The following DOCK7 variants were observed in gnomAD, a reference collection of about 807,000 sequenced individuals.
The protein encoded by DOCK7 is dedicator of cytokinesis protein 7.
DOCK7 carries 138 observed loss-of-function variants against 271.0 expected under a neutral mutation model. That is an observed-to-expected ratio of 0.51 (90% confidence interval 0.44 to 0.59). The LOEUF (loss-of-function observed/expected upper bound fraction) is 0.59. DOCK7 is among the 20% of genes least tolerant of loss of function. The pLI is 0.00. For missense variants in DOCK7, 2,066 were observed against 2,592.4 expected (o/e 0.80, Z 4.41); for synonymous variants, 823 against 876.1 (o/e 0.94, Z 1.07).
At chr1:62,459,825 T>C (rs921244110) in intron 48 of DOCK7, among the ~76,000 whole-genome samples, 4 of 151,758 alleles carry the variant, frequency 2.6e-5, no homozygotes, top group Admixed American at 6.6e-5. Flanking sequence ...CCAGGCCGGG[T>C]GCAGTGGCTC....
rs563619178 is a variant in DOCK7 at position 62,498,813 on chromosome 1, T to A, written c.4765-2316A>T. Among the ~76,000 whole-genome samples the A allele has an allele frequency of 5.9e-5, 9 of 152,096 alleles. No homozygotes were observed. The East Asian group carries it at 1.4e-3, about 23-fold the overall frequency. Reference sequence around the variant, plus strand: ...TTAAATTACCCATTTCTTTCTTTTTTTTTTTTGAGACAGAGTCTTACTCTG... The same window carrying A: ...TTAAATTACCCATTTCTTTCTTTTTATTTTTTGAGACAGAGTCTTACTCTG... On this transcript the variant is annotated intron_variant, in intron 37 of 49. Coordinates refer to ENST00000635253, the MANE Select transcript of DOCK7 (RefSeq NM_001367561.1).
At chr1:62,457,205 T>C (rs1645372322) in intron 49 of DOCK7, among the ~76,000 whole-genome samples, 1 of 152,196 alleles carries the variant, frequency 6.6e-6, no homozygotes, top group African/African-American at 2.4e-5. Context: ...GTACCAACTT[T>C]TTGATTCTCA....
intron 14 of DOCK7, chr1:62,603,971 G>A: frequency 6.2e-7 from 1 of 1,612,638 alleles, no homozygotes; most frequent in Non-Finnish European, 8.5e-7. Context: ...CTTTTCAGGA[G>A]AATTTTGGTT....
intron 12 of DOCK7, chr1:62,624,997 A>T (rs1488793129): frequency 7.3e-6 from 2 of 274,026 alleles, no homozygotes; most frequent in Non-Finnish European, 1.3e-5. Flanking sequence ...AAAAAACAGG[A>T]TACAGGTATG....
chr1:62,563,760 A>T (rs1037426604), intron 18 of DOCK7, among the ~76,000 whole-genome samples: 2 of 151,410 alleles, frequency 1.3e-5, no homozygotes, highest in East Asian at 3.9e-4. Context: ...GGCAAACTGG[A>T]TAAAGAGTCA....
rs370091514 is a variant in DOCK7, at chr1:62,648,177, G to A, written c.661C>T (p.Arg221Cys). The change falls in exon 6 of 50, where the codon CGT becomes TGT. Residue 221 changes from arginine (R) to cysteine (C), a missense_variant. Arg to Cys is a radical substitution (Grantham distance 180). Around this residue, in one of 2 missense-constraint regions of DOCK7, gnomAD observed 1,414 missense variants for 1,670.4 expected, o/e 0.85. Coordinates refer to ENST00000635253, the MANE Select transcript of DOCK7 (RefSeq NM_001367561.1). Reference protein sequence around the residue: ...LDRTPNEEIDRQNDDQRKSNR... With the variant: ...LDRTPNEEIDCQNDDQRKSNR... ...GATTTCCTTTGGTCATCATTCTGAC[G>A]GTCTATTTCTTCATTTGGAGTTCGA... is the stretch of plus-strand genomic sequence containing the variant. The A allele has an allele frequency of 6.8e-6, 11 of 1,613,446 alleles. No individual in the cohort carries two copies. The highest frequency in any genetic ancestry group is 2.2e-5 in the East Asian group (1 of 44,810).
chr1:62,602,294 G>A (rs1424938245), intron 14 of DOCK7: 2 of 1,607,806 alleles, frequency 1.2e-6, no homozygotes, highest in Non-Finnish European at 1.7e-6. Flanking sequence ...GGTAGTCCAT[G>A]GACATTAATT....
chr1:62,682,068 C>A (rs530742721), intron 1 of DOCK7, among the ~76,000 whole-genome samples: 25 of 150,190 alleles, frequency 1.7e-4, no homozygotes, highest in African/African-American at 5.9e-4. Context: ...AACAGCAGAA[C>A]AGTTACAGAG....
At chr1:62,581,872 A>G (rs372042591) in intron 16 of DOCK7, among the ~76,000 whole-genome samples, 39 of 152,298 alleles carry the variant, frequency 2.6e-4, no homozygotes, top group African/African-American at 8.2e-4. Context: ...CAGCACCAAG[A>G]AAGGACTGTT....
chr1:62,475,020 T>C (rs1344344483), intron 47 of DOCK7, among the ~76,000 whole-genome samples, 188 bp downstream of exon 47: 1 of 152,240 alleles, frequency 6.6e-6, no homozygotes, highest in African/African-American at 2.4e-5. Flanking sequence ...TACAAGCTTT[T>C]TAAGGAAATA....
At chr1:62,671,667 T>C (rs1557889258) in intron 1 of DOCK7, among the ~76,000 whole-genome samples, 1 of 152,160 alleles carries the variant, frequency 6.6e-6, no homozygotes, top group African/African-American at 2.4e-5. Flanking sequence ...TATTGTCAAA[T>C]AGAAAAATAT....
Position 62,636,420 on chromosome 1 carries a change from C to G in DOCK7, c.885+117G>C, listed in dbSNP as rs1029172849. On this transcript the variant is annotated intron_variant, in intron 8 of 49. Transcript: ENST00000635253. ...GTCCTAATAAGTTAAATTTCTATTT[C>G]CTTTTTAAAAAGATCTATGTTTAAC... 2.4e-5 allele frequency: 18 copies of G among 744,462 alleles called. No individual in the cohort carries two copies. The East Asian group carries it at 5.5e-4, about 23-fold the overall frequency. 46.1% of individuals were successfully genotyped at this position (744,462 alleles called of 1,614,324 possible). A position where few individuals can be genotyped will look rare whatever the true frequency, so the allele number is the denominator to read the frequency against.
intron 43 of DOCK7, chr1:62,483,996 C>T (rs1646218567): frequency 6.6e-6 from 1 of 152,144 alleles, no homozygotes; most frequent in Admixed American, 6.5e-5. Flanking sequence ...CAGAGTTGAT[C>T]GCCCTGCTCA....
At chr1:62,606,984 G>C (rs1651089574) in intron 14 of DOCK7, among the ~76,000 whole-genome samples, 2 of 152,018 alleles carry the variant, frequency 1.3e-5, no homozygotes, top group Admixed American at 6.6e-5. Flanking sequence ...GAGGCAGGTG[G>C]ATCACCTGAG....
At chr1:62,504,337 C>T (rs1646879308) in intron 37 of DOCK7, among the ~76,000 whole-genome samples, 1 of 152,052 alleles carries the variant, frequency 6.6e-6, no homozygotes, top group Admixed American at 6.5e-5. Flanking sequence ...GATACTTAAA[C>T]TTGTATTTCT....
intron 2 of DOCK7, among the ~76,000 whole-genome samples, chr1:62,654,811 A>G (rs1657796012): frequency 6.6e-6 from 1 of 152,256 alleles, no homozygotes; most frequent in African/African-American, 2.4e-5. Flanking sequence ...TAGGCTATAC[A>G]CAGAGAGAAA....
intron 48 of DOCK7, among the ~76,000 whole-genome samples, chr1:62,467,315 T>C (rs936367609): frequency 2.6e-5 from 4 of 152,228 alleles, no homozygotes; most frequent in Admixed American, 6.5e-5. Flanking sequence ...TTTCAAGATA[T>C]GGATCTTGGA....
In DOCK7 at chr1:62,477,812, G is replaced by A; in HGVS notation, c.5522C>T (p.Thr1841Ile). The part of the protein sequence containing the change: ...QSTGWERMFG[T>I]YFRVGFYGTK... ...TCCATAAAAACCAACACGAAAATAG[G>A]TGCCAAACATCCGCTTACCATCCTA... Residue 1841 changes from threonine to isoleucine, a missense_variant, in exon 44 of 50, where the codon ACC (threonine) becomes ATC (isoleucine). Physicochemically the swap from Thr to Ile is moderately conservative, Grantham distance 89. Coordinates refer to ENST00000635253, the MANE Select transcript of DOCK7 (RefSeq NM_001367561.1). 6.2e-7 allele frequency: 1 copy of A among 1,607,056 alleles called. No individual in the cohort carries two copies. The highest frequency in any genetic ancestry group is 8.5e-7 in the Non-Finnish European group (1 of 1,177,672).
intron 33 of DOCK7, 108 bp downstream of exon 33, chr1:62,513,336 T>C: frequency 9.7e-7 from 1 of 1,034,848 alleles, no homozygotes; most frequent in Non-Finnish European, 1.3e-6. Flanking sequence ...TTCAAGTTAA[T>C]TCACAGTTAC....
Sources: allele counts gnomAD v4.1 joint callset (sites outside exome capture counted in the v4.1 genomes callset), GRCh38; gene constraint gnomAD v4.1.1; regional missense constraint gnomAD v4.1.1; transcripts MANE v1.5; gene names NCBI Gene and HGNC (gene_info 2026-07-23, HGNC 2026-07-21).